TYR: variants seen among roughly 807,000 people sequenced by gnomAD.
TYR encodes LB24-AB.
Under a neutral mutation model 51.5 loss-of-function variants are expected in TYR, and 58 were observed. That is an observed-to-expected ratio of 1.13 (90% CI 0.91 to 1.40). The LOEUF is 1.40. TYR is among the 40% of genes most tolerant of loss of function. The probability of loss-of-function intolerance (pLI) is 0.00; values close to 1 mark genes in which losing one functional copy is unlikely to be tolerated. For missense variants in TYR, 732 were observed against 647.4 expected (o/e 1.13, Z -1.42); for synonymous variants, 263 against 235.2 (o/e 1.12, Z -1.08).
intron 3 of TYR, among the ~76,000 whole-genome samples, chr11:89,278,647 C>T (rs539391385): frequency 9.9e-5 from 15 of 151,564 alleles, no homozygotes; most frequent in South Asian, 8.3e-4. Flanking sequence ...GAAGATAGAA[C>T]GGAGAGTTCC....
intron 2 of TYR, among the ~76,000 whole-genome samples, chr11:89,195,594 G>A (rs998569506): frequency 9.2e-5 from 14 of 152,042 alleles, no homozygotes; most frequent in African/African-American, 3.1e-4. Context: ...CAGGAGAATC[G>A]CTTGAACCCA....
chr11:89,189,419 C>A (rs1376115393), intron 1 of TYR, among the ~76,000 whole-genome samples: 1 of 151,156 alleles, frequency 6.6e-6, no homozygotes, highest in African/African-American at 2.4e-5. Context: ...TCTTAAAAAA[C>A]AATCAACCAC....
At chr11:89,188,719 T>A (rs760431945) in intron 1 of TYR, among the ~76,000 whole-genome samples, 1 of 151,974 alleles carries the variant, frequency 6.6e-6, no homozygotes, top group Non-Finnish European at 1.5e-5. Flanking sequence ...TTAGTGTAGA[T>A]TTCATTAAGA....
intron 3 of TYR, among the ~76,000 whole-genome samples, chr11:89,275,664 A>T (rs950742853): frequency 2.6e-5 from 4 of 151,898 alleles, no homozygotes; most frequent in Admixed American, 1.3e-4. Context: ...GAGTAGGCTC[A>T]GATTCTCTAG....
intron 3 of TYR, among the ~76,000 whole-genome samples, chr11:89,242,585 G>C (rs1944213316): frequency 6.6e-6 from 1 of 152,164 alleles, no homozygotes; most frequent in South Asian, 2.1e-4. Flanking sequence ...GGATCTTGGA[G>C]ATAAACTAGA....
At chr11:89,244,663 C>CA (rs1333818432) in intron 3 of TYR, among the ~76,000 whole-genome samples, 1 of 151,564 alleles carries the variant, frequency 6.6e-6, no homozygotes, top group Non-Finnish European at 1.5e-5. Context: ...GTCAGAACAG[C>CA]AAAAAAAGGG....
Position 89,225,055 on chromosome 11 carries a change from G to A in TYR, c.1037-2768G>A, listed in dbSNP as rs1220415490. On this transcript the variant is annotated intron_variant, in intron 2 of 4. Coordinates refer to ENST00000263321, the MANE Select transcript of TYR (RefSeq NM_000372.5). ...GTTATTTATGGGAACAAAGCTTCTT[G>A]GCAGTTATTTATTTTTTTAAAATTT... 2.0e-5 allele frequency among the ~76,000 whole-genome samples: 3 copies of A among 151,330 alleles called. No homozygotes were observed. In the East Asian group the frequency reaches 5.8e-4, roughly 29 times the overall value.
chr11:89,279,069 A>G (rs1944689580), intron 3 of TYR, among the ~76,000 whole-genome samples: 1 of 151,508 alleles, frequency 6.6e-6, no homozygotes, highest in Non-Finnish European at 1.5e-5. Flanking sequence ...GTGTAGAGGG[A>G]CTCAAAAATG....
At chr11:89,198,238 G>A (rs1468283444) in intron 2 of TYR, among the ~76,000 whole-genome samples, 3 of 151,900 alleles carry the variant, frequency 2.0e-5, no homozygotes, top group African/African-American at 7.3e-5. Context: ...AAAAAAAAAG[G>A]TCACACAGAT....
At chr11:89,254,408 C>A (rs1309259820) in intron 3 of TYR, among the ~76,000 whole-genome samples, 3 of 151,698 alleles carry the variant, frequency 2.0e-5, no homozygotes, top group East Asian at 3.9e-4. Context: ...CATAACAATT[C>A]TTTGAACATC....
intron 4 of TYR, 64 bp downstream of exon 4, chr11:89,285,018 C>T: frequency 7.1e-7 from 1 of 1,413,080 alleles, no homozygotes; most frequent in Non-Finnish European, 1.0e-6. Context: ...TTTGAGATAA[C>T]ACAAAACTTT....
chr11:89,275,443 T>A (rs565425361), intron 3 of TYR, among the ~76,000 whole-genome samples: 1 of 152,060 alleles, frequency 6.6e-6, no homozygotes, highest in East Asian at 1.9e-4. Flanking sequence ...GTCACAGGAA[T>A]CTAAAATGGA....
At position 89,295,169 on chromosome 11, in the gene TYR, A is replaced by G; in HGVS notation, c.1393A>G (p.Lys465Glu). The change falls in exon 5 of 5, where the codon AAG becomes GAG. Residue 465 changes from lysine to glutamate, a missense_variant. By Grantham distance (56) the Lys-to-Glu change is moderately conservative. Transcript: ENST00000263321. ...SDPDSFQDYI[K>E]SYLEQASRIW... ...CCCAGACTCTTTTCAAGACTACATT[A>G]AGTCCTATTTGGAACAAGCGAGTCG... 6.2e-7 allele frequency: 1 copy of G among 1,613,994 alleles called. No homozygotes were observed. Among genetic ancestry groups the G allele is most frequent in the Non-Finnish European group, 8.5e-7 (1 of 1,179,866 alleles).
Position 89,295,559 on chromosome 11 carries a change from C to A in TYR, c.*193C>A, listed in dbSNP as rs1323590297. The A allele has an allele frequency of 1.5e-6, 1 of 670,658 alleles. No individual in the cohort carries two copies. Among genetic ancestry groups the A allele is most frequent in the African/African-American group, 1.8e-5 (1 of 55,594 alleles). 41.5% of individuals were successfully genotyped at this position (670,658 alleles called of 1,614,324 possible). ...TCTTTGTCTTGCTGTTTTCACTCAGCCCTTTTAACATTTTCCCCTAAGCCC... is the reference window on the plus strand; with the variant it reads ...TCTTTGTCTTGCTGTTTTCACTCAGACCTTTTAACATTTTCCCCTAAGCCC... On this transcript the variant is annotated 3_prime_UTR_variant, in exon 5 of 5. Transcript: ENST00000263321.
At position 89,178,761 on chromosome 11, in the gene TYR, T is replaced by C; in HGVS notation, c.808T>C (p.Ser270Pro). ...CTTACTCAGCCCAGCATCATTCTTC[T>C]CCTCTTGGCAGGTAAGATATGCTAG... Reference protein sequence around the residue: ...PNLLSPASFFSSWQIVCSRLE... With the variant: ...PNLLSPASFFPSWQIVCSRLE... Residue 270 changes from serine (S) to proline (P), a missense_variant, in exon 1 of 5, where the codon TCC (serine) becomes CCC (proline). Ser to Pro is a moderately conservative substitution (Grantham distance 74). Coordinates refer to ENST00000263321, the MANE Select transcript of TYR (RefSeq NM_000372.5). 6.2e-7 allele frequency: 1 copy of C among 1,614,052 alleles called. No individual in the cohort carries two copies. Among genetic ancestry groups the C allele is most frequent in the Non-Finnish European group, 8.5e-7 (1 of 1,180,016 alleles).
chr11:89,211,657 C>A (rs533712751), intron 2 of TYR, among the ~76,000 whole-genome samples: 3 of 152,234 alleles, frequency 2.0e-5, no homozygotes, highest in Non-Finnish European at 1.5e-5. Context: ...ACGTTCTTCT[C>A]GGCACCACAT....
At chr11:89,245,361 G>A (rs746082624) in intron 3 of TYR, among the ~76,000 whole-genome samples, 1 of 152,154 alleles carries the variant, frequency 6.6e-6, no homozygotes, top group Non-Finnish European at 1.5e-5. Context: ...CTGAAATTCC[G>A]AGAGGTTAAG....
intron 3 of TYR, among the ~76,000 whole-genome samples, chr11:89,230,166 G>T (rs1466751243): frequency 6.6e-6 from 1 of 152,000 alleles, no homozygotes; most frequent in African/African-American, 2.4e-5. Context: ...TAATGGCATG[G>T]TAATGGCATA....
chr11:89,279,513 G>A (rs1325527260), intron 3 of TYR, among the ~76,000 whole-genome samples: 4 of 151,616 alleles, frequency 2.6e-5, no homozygotes, highest in East Asian at 1.9e-4. Context: ...CTGGCCATAA[G>A]CATAAAATCT....
Sources: allele counts gnomAD v4.1 joint callset (sites outside exome capture counted in the v4.1 genomes callset), GRCh38; gene constraint gnomAD v4.1.1; transcripts MANE v1.5; gene names NCBI Gene and HGNC (gene_info 2026-07-23, HGNC 2026-07-21).